CACNA2D3: variants seen among roughly 807,000 people sequenced by gnomAD.
CACNA2D3 encodes the protein voltage-dependent calcium channel subunit alpha-2/delta-3.
In CACNA2D3, 60 loss-of-function variants were observed where a neutral mutation model predicts 160.6. The observed-to-expected ratio is 0.37, with a 90% CI of 0.30 to 0.46. CACNA2D3 has a LOEUF of 0.46. Among genes scored for constraint, CACNA2D3 ranks in the 20% least tolerant of loss-of-function variants. The pLI, the probability that CACNA2D3 is intolerant of heterozygous loss-of-function variation, is 1.00. For missense variants in CACNA2D3, 1,205 were observed against 1,365.0 expected, an observed-to-expected ratio of 0.88 and a Z score of 1.85; for synonymous variants, 558 against 492.9, an observed-to-expected ratio of 1.13 and a Z score of -1.75.
intron 14 of CACNA2D3, among the ~76,000 whole-genome samples, chr3:54,822,790 C>CTTTCTTTCTTTCTTTCTTTCTTTCTTTT (rs1491160047): frequency 4.2e-5 from 3 of 71,910 alleles, no homozygotes; most frequent in African/African-American, 1.2e-4. Flanking sequence ...TTCTTTCTTT[C>CTTTCTTTCTTTCTTTCTTTCTTTCTTTT]CTTTCTTTCT....
At chr3:54,370,664 C>G (rs1378014159) in intron 3 of CACNA2D3, among the ~76,000 whole-genome samples, 1 of 152,148 alleles carries the variant, frequency 6.6e-6, no homozygotes, top group Non-Finnish European at 1.5e-5. Context: ...CAACATTGCA[C>G]TCTAATATAC....
chr3:54,595,172 T>C (rs1019999460), intron 9 of CACNA2D3, among the ~76,000 whole-genome samples: 9 of 152,228 alleles, frequency 5.9e-5, no homozygotes, highest in African/African-American at 2.2e-4. Flanking sequence ...ACTGTTTATA[T>C]GTATGAAGTG....
At chr3:54,163,854 C>T (rs1009849414) in intron 2 of CACNA2D3, among the ~76,000 whole-genome samples, 1 of 152,148 alleles carries the variant, frequency 6.6e-6, no homozygotes, top group Non-Finnish European at 1.5e-5. Flanking sequence ...TCAGGTGCAG[C>T]AGGAGGTACC....
intron 3 of CACNA2D3, among the ~76,000 whole-genome samples, chr3:54,340,376 G>A (rs1704488796): frequency 6.6e-6 from 1 of 152,072 alleles, no homozygotes; most frequent in Non-Finnish European, 1.5e-5. Flanking sequence ...TATTTCTGGT[G>A]CGTTTCAAAG....
chr3:54,250,552 C>T (rs1289866460), intron 2 of CACNA2D3, among the ~76,000 whole-genome samples: 1 of 151,984 alleles, frequency 6.6e-6, no homozygotes, highest in African/African-American at 2.4e-5. Context: ...TCTCACCTCA[C>T]CCTCCCATGT....
chr3:54,380,787 C>T (rs1305887122), intron 3 of CACNA2D3, among the ~76,000 whole-genome samples: 3 of 152,018 alleles, frequency 2.0e-5, no homozygotes, highest in African/African-American at 7.2e-5. Context: ...TCAACCATGC[C>T]GCTCTGGGTA....
At chr3:54,823,387 AG>A (rs896618888) in intron 14 of CACNA2D3, among the ~76,000 whole-genome samples, 3 of 149,916 alleles carry the variant, frequency 2.0e-5, no homozygotes, top group Non-Finnish European at 4.5e-5. Flanking sequence ...CTTTTTTAAA[AG>A]TTTTTTTTTA....
intron 11 of CACNA2D3, among the ~76,000 whole-genome samples, chr3:54,696,947 G>T (rs1314751507): frequency 6.6e-6 from 1 of 152,034 alleles, no homozygotes; most frequent in East Asian, 1.9e-4. Context: ...AGATTTGGGG[G>T]TCCCTAGCTT....
chr3:54,646,184 C>CTCCTTCCT (rs1438568531), intron 11 of CACNA2D3, among the ~76,000 whole-genome samples: 3 of 14,886 alleles, frequency 2.0e-4, no homozygotes, highest in African/African-American at 4.3e-4. Context: ...CCCTCCCTCC[C>CTCCTTCCT]TCCTTCCTTG....
chr3:54,303,276 T>C (rs970262508), intron 2 of CACNA2D3, among the ~76,000 whole-genome samples: 2 of 152,186 alleles, frequency 1.3e-5, no homozygotes, highest in Non-Finnish European at 1.5e-5. Flanking sequence ...TTAGGAATTA[T>C]TTATTGAGTA....
intron 24 of CACNA2D3, among the ~76,000 whole-genome samples, chr3:54,890,601 A>G (rs534038081): frequency 1.3e-5 from 2 of 152,332 alleles, no homozygotes; most frequent in South Asian, 4.1e-4. Flanking sequence ...CAAATCTCCT[A>G]AAGAACACGC....
At chr3:54,996,146 G>A (rs560753183) in intron 31 of CACNA2D3, among the ~76,000 whole-genome samples, 2 of 152,308 alleles carry the variant, frequency 1.3e-5, no homozygotes, top group East Asian at 1.9e-4. Context: ...TGCAGTACAG[G>A]CATCATTGTG....
At chr3:54,311,791 TG>T (rs1246598659) in intron 2 of CACNA2D3, among the ~76,000 whole-genome samples, 4 of 152,238 alleles carry the variant, frequency 2.6e-5, no homozygotes, top group African/African-American at 9.6e-5. Context: ...GCTTGGCACA[TG>T]GTAAACCATT....
chr3:54,572,270 T>C (rs1316957441), intron 8 of CACNA2D3, among the ~76,000 whole-genome samples: 2 of 152,326 alleles, frequency 1.3e-5, no homozygotes, highest in Non-Finnish European at 2.9e-5. Flanking sequence ...ACTAAATTCC[T>C]TGGGAGCAGG....
chr3:54,479,145 T>G (rs921267209), intron 4 of CACNA2D3, among the ~76,000 whole-genome samples: 1 of 151,978 alleles, frequency 6.6e-6, no homozygotes, highest in Non-Finnish European at 1.5e-5. Flanking sequence ...ATCTGATGGT[T>G]TTATAAGAAG....
At chr3:54,486,132 G>A (rs1350311853) in intron 4 of CACNA2D3, among the ~76,000 whole-genome samples, 4 of 152,198 alleles carry the variant, frequency 2.6e-5, no homozygotes, top group African/African-American at 7.2e-5. Flanking sequence ...AAGCCAGACT[G>A]TAAAGAGGAG....
intron 35 of CACNA2D3, among the ~76,000 whole-genome samples, chr3:55,051,786 G>C (rs1023743644): frequency 1.3e-5 from 2 of 152,184 alleles, no homozygotes; most frequent in African/African-American, 2.4e-5. Context: ...CTCCGAGCCA[G>C]GTGTGGGATA....
chr3:54,667,606 AGTTT>A (rs1225395624), intron 11 of CACNA2D3, among the ~76,000 whole-genome samples: 11 of 152,206 alleles, frequency 7.2e-5, no homozygotes, highest in African/African-American at 2.7e-4. Context: ...GACACAGTCT[AGTTT>A]GTTGGAAAAT....
intron 27 of CACNA2D3, chr3:54,918,278 C>T (rs549309296): frequency 5.2e-5 from 33 of 635,294 alleles, no homozygotes; most frequent in Non-Finnish European, 6.9e-5. Flanking sequence ...TTTTAAAAAT[C>T]GCAACATAAA....
Sources: gnomAD v4.1 joint callset for allele counts (sites outside exome capture counted in the v4.1 genomes callset) on GRCh38, gnomAD v4.1.1 for gene constraint, MANE v1.5 for transcripts, NCBI Gene and HGNC (gene_info 2026-07-23, HGNC 2026-07-21) for gene names.